Variants in KMT2C observed in about 807,000 individuals in gnomAD.
The protein encoded by KMT2C is histone-lysine N-methyltransferase 2C.
KMT2C carries 88 observed loss-of-function variants against 507.9 expected under a neutral mutation model. The ratio of observed to expected loss-of-function variants is 0.17; its 90% confidence interval spans 0.15 to 0.21. KMT2C has a LOEUF of 0.21. Among genes scored for constraint, KMT2C ranks in the 10% least tolerant of loss-of-function variants. The pLI, the probability that KMT2C is intolerant of heterozygous loss-of-function variation, is 1.00. For missense variants in KMT2C, 4,954 were observed against 5,957.8 expected, an observed-to-expected ratio of 0.83 and a Z score of 5.55; for synonymous variants, 2,049 against 2,080.8, an observed-to-expected ratio of 0.98 and a Z score of 0.42.
intron 1 of KMT2C, among the ~76,000 whole-genome samples, chr7:152,375,337 C>T (rs1250775646): frequency 6.6e-6 from 1 of 151,624 alleles, no homozygotes; most frequent in East Asian, 1.9e-4. Context: ...CCACCACACC[C>T]AGCGAGTTTT....
chr7:152,394,148 A>G (rs1228752737), intron 1 of KMT2C, among the ~76,000 whole-genome samples: 1 of 152,028 alleles, frequency 6.6e-6, no homozygotes. Context: ...TTACCCTGCT[A>G]ATATTATCTA....
At chr7:152,191,612 C>T (rs1431612814) in intron 31 of KMT2C, among the ~76,000 whole-genome samples, 2 of 152,176 alleles carry the variant, frequency 1.3e-5, no homozygotes, top group Non-Finnish European at 2.9e-5. Flanking sequence ...TAGCAAAACA[C>T]ATAAGTGATC....
chr7:152,139,916 C>A, intron 55 of KMT2C, 125 bp from the exon 56 acceptor site: 1 of 687,154 alleles, frequency 1.5e-6, no homozygotes, highest in East Asian at 2.5e-5. Flanking sequence ...GAACTCAAAT[C>A]ATTTTTGAAT....
intron 1 of KMT2C, chr7:152,367,034 G>A (rs574621925): frequency 2.6e-5 from 16 of 612,988 alleles, no homozygotes; most frequent in South Asian, 1.6e-4. Context: ...TTGCTCTTGC[G>A]GAATCCACAG....
chr7:152,281,534 C>A (rs1341888115), intron 6 of KMT2C, among the ~76,000 whole-genome samples: 1 of 152,130 alleles, frequency 6.6e-6, no homozygotes, highest in African/African-American at 2.4e-5. Flanking sequence ...GAGTTTGAGA[C>A]CATCCTGGCC....
chr7:152,309,507 C>CT (rs60166582), intron 6 of KMT2C, among the ~76,000 whole-genome samples: 7,307 of 87,956 alleles, frequency 0.083, 538 homozygotes, highest in East Asian at 0.23. Context: ...CATAAAATAA[C>CT]TTTTTTTTTT....
intron 9 of KMT2C, among the ~76,000 whole-genome samples, chr7:152,259,264 A>C (rs2129170462): frequency 6.6e-6 from 1 of 152,332 alleles, no homozygotes; most frequent in African/African-American, 2.4e-5. Context: ...AGTACATTAG[A>C]TAAACATACT....
chr7:152,422,173 G>A (rs528649513), intron 1 of KMT2C, among the ~76,000 whole-genome samples: 17 of 151,728 alleles, frequency 1.1e-4, no homozygotes, highest in Admixed American at 8.6e-4. Context: ...AGGGCTGGGC[G>A]CAGTGGCTCA....
intron 55 of KMT2C, among the ~76,000 whole-genome samples, chr7:152,140,701 A>T (rs1239304421): frequency 6.6e-6 from 1 of 152,144 alleles, no homozygotes; most frequent in African/African-American, 2.4e-5. Flanking sequence ...TTCTAGTCGG[A>T]ATTACTAGGA....
At chr7:152,139,905 TGAACTC>T in intron 55 of KMT2C, 114 bp from the exon 56 acceptor site, 2 of 713,636 alleles carry the variant, frequency 2.8e-6, no homozygotes, top group Non-Finnish European at 4.9e-6. Context: ...AAGTTTCACT[TGAACTC>T]AAATCATTTT....
intron 7 of KMT2C, among the ~76,000 whole-genome samples, chr7:152,270,488 G>C (rs2129176112): frequency 6.6e-6 from 1 of 152,216 alleles, no homozygotes; most frequent in South Asian, 2.1e-4. Context: ...TTGCTTACAA[G>C]GCCTACATGA....
At chr7:152,200,268 T>TA (rs1188568682) in intron 26 of KMT2C, among the ~76,000 whole-genome samples, 6 of 152,198 alleles carry the variant, frequency 3.9e-5, no homozygotes, top group Non-Finnish European at 8.8e-5. Flanking sequence ...TGTCAAGAAG[T>TA]AAAAATGGCC....
intron 23 of KMT2C, among the ~76,000 whole-genome samples, chr7:152,212,256 T>C (rs2094472226): frequency 6.6e-6 from 1 of 152,216 alleles, no homozygotes; most frequent in Non-Finnish European, 1.5e-5. Context: ...AACTTAACAC[T>C]GTTCACTCTT....
intron 3 of KMT2C, among the ~76,000 whole-genome samples, chr7:152,319,732 C>T (rs1008979895): frequency 6.6e-6 from 1 of 152,156 alleles, no homozygotes; most frequent in South Asian, 2.1e-4. Context: ...TCATCCTGTA[C>T]AGCTGGCTCT....
At chr7:152,433,814 C>T (rs1407776330) in intron 1 of KMT2C, among the ~76,000 whole-genome samples, 3 of 152,254 alleles carry the variant, frequency 2.0e-5, no homozygotes, top group Non-Finnish European at 2.9e-5. Context: ...TACAAATGAG[C>T]TCATTTCAAA....
At chr7:152,378,876 C>G (rs903586089) in intron 1 of KMT2C, among the ~76,000 whole-genome samples, 1 of 152,162 alleles carries the variant, frequency 6.6e-6, no homozygotes, top group Non-Finnish European at 1.5e-5. Context: ...TTTTTCTGTA[C>G]TCTATTTTCA....
At chr7:152,392,393 T>C (rs182783314) in intron 1 of KMT2C, among the ~76,000 whole-genome samples, 19 of 152,264 alleles carry the variant, frequency 1.2e-4, no homozygotes, top group African/African-American at 4.3e-4. Context: ...TTAAAATATA[T>C]CCTCTATGCT....
rs2884936 is a variant in KMT2C, at chr7:152,383,938, A to G, written c.162-25263T>C. ...GAGCAGCAACTTTTCAACACCAATC[A>G]CTTTTTTAGATGGCCTCCTTTCTAG... On this transcript the variant is annotated intron_variant, in intron 1 of 58. Coordinates refer to ENST00000262189, the MANE Select transcript of KMT2C (RefSeq NM_170606.3). Among the ~76,000 whole-genome samples the G allele has an allele frequency of 6.7e-4, 101 of 151,508 alleles. 1 individual carries two copies. The highest frequency in any genetic ancestry group is 2.2e-3 in the African/African-American group (91 of 41,248).
At chr7:152,290,228 G>A (rs1289576346) in intron 6 of KMT2C, among the ~76,000 whole-genome samples, 10 of 97,840 alleles carry the variant, frequency 1.0e-4, no homozygotes, top group Non-Finnish European at 5.5e-5. Flanking sequence ...ATATGTGTGT[G>A]TGTGTGTGTG....
Sources: gnomAD v4.1 joint callset for allele counts (sites outside exome capture counted in the v4.1 genomes callset) on GRCh38, gnomAD v4.1.1 for gene constraint, MANE v1.5 for transcripts, NCBI Gene and HGNC (gene_info 2026-07-23, HGNC 2026-07-21) for gene names.